The following PCSK7 variants were observed in gnomAD, a reference collection of about 807,000 sequenced individuals.
PCSK7 encodes the protein lymphoma proprotein convertase.
In PCSK7, 38 loss-of-function variants were observed where a neutral mutation model predicts 73.3. That is an observed-to-expected ratio of 0.52 (90% CI 0.40 to 0.68). PCSK7 has a LOEUF of 0.68. Among genes scored for constraint, PCSK7 ranks in the 30% least tolerant of loss-of-function variants. PCSK7 has a pLI of 0.00. For missense variants in PCSK7, 692 were observed against 991.5 expected (o/e 0.70, Z 4.06); for synonymous variants, 296 against 383.8 (o/e 0.77, Z 2.68).
intron 6 of PCSK7, 44 bp downstream of exon 6, chr11:117,225,887 A>G: frequency 8.0e-7 from 1 of 1,251,588 alleles, no homozygotes; most frequent in Non-Finnish European, 1.2e-6. Flanking sequence ...GATTTGTCCC[A>G]GGTGCTCCAG....
rs777195974 is a variant in PCSK7, at chr11:117,206,355, G to C, written c.2000C>G (p.Thr667Ser). The change falls in exon 17 of 17, where the codon ACC becomes AGC. Residue 667 changes from threonine (T) to serine (S), a missense_variant and splice_region_variant. Thr to Ser is a moderately conservative substitution (Grantham distance 58). Around this residue, in one of 6 missense-constraint regions of PCSK7, gnomAD observed 78 missense variants for 102.6 expected, o/e 0.76. Transcript: ENST00000320934. ...GGTGAAACAGCCTACCAGCACCAGG[G>C]TCTGGGGCCGAGGCAAGCACCTACG... ...GYTITPNTLKTLVLVGCFTVF... is the reference protein window; with the variant it reads ...GYTITPNTLKSLVLVGCFTVF... 4 of 1,603,564 alleles carry C rather than the reference G, an allele frequency of 2.5e-6. No homozygotes were observed. The highest frequency in any genetic ancestry group is 2.6e-6 in the Non-Finnish European group (3 of 1,173,336).
intron 2 of PCSK7, chr11:117,230,083 C>T (rs1251382550): frequency 2.1e-6 from 1 of 476,938 alleles, no homozygotes; most frequent in African/African-American, 2.0e-5. Context: ...GGATGGCCTC[C>T]CACAGCAAGA....
chr11:117,210,547 T>TG (rs1199628523), intron 12 of PCSK7: 5 of 152,058 alleles, frequency 3.3e-5, no homozygotes, highest in African/African-American at 1.2e-4. Flanking sequence ...TTAGTAGAGA[T>TG]GGGGTTTCAC....
chr11:117,206,442 CTTT>C (rs1395961832), intron 16 of PCSK7, 86 bp from the exon 17 acceptor site: 1 of 1,526,100 alleles, frequency 6.6e-7, no homozygotes, highest in Non-Finnish European at 8.8e-7. Flanking sequence ...CTCAGAAAGT[CTTT>C]TTCCTTCTAG....
intron 9 of PCSK7, 93 bp from the exon 10 acceptor site, chr11:117,219,851 C>T (rs2032124711): frequency 2.2e-6 from 2 of 926,690 alleles, no homozygotes; most frequent in Middle Eastern, 2.4e-4. Context: ...CCTGGGAGGC[C>T]CAGGCAGGAG....
Position 117,224,750 on chromosome 11 carries a change from C to T in PCSK7, c.866G>A (p.Gly289Glu), listed in dbSNP as rs779685123. 27 of 1,612,748 alleles carry T rather than the reference C, an allele frequency of 1.7e-5. No homozygotes were observed. Among genetic ancestry groups the T allele is most frequent in the Admixed American group, 1.5e-4 (9 of 59,994 alleles). ...QINDIYSCSW[G>E]PDDDGKTVDG... ...CACTGTCTTCCCATCGTCATCTGGTCCCCAGCTGTTGAGAAATAAATACCT... is the reference window on the plus strand; with the variant it reads ...CACTGTCTTCCCATCGTCATCTGGTTCCCAGCTGTTGAGAAATAAATACCT... Residue 289 changes from glycine (G) to glutamate (E), a missense_variant, in exon 7 of 17, where the codon GGA becomes GAA. By Grantham distance (98) the Gly-to-Glu change is moderately conservative. Around this residue, in one of 6 missense-constraint regions of PCSK7, gnomAD observed 574 missense variants for 689.8 expected, o/e 0.83. Transcript: ENST00000320934.
chr11:117,226,141 CTT>C (rs11419279), intron 5 of PCSK7, 120 bp from the exon 6 acceptor site: 5,625 of 557,956 alleles, frequency 0.01, no homozygotes, highest in South Asian at 0.013. Context: ...GTACATTTTG[CTT>C]TTTTTTTTTT....
chr11:117,213,679 G>A (rs2031826782), intron 12 of PCSK7: 2 of 152,198 alleles, frequency 1.3e-5, no homozygotes, highest in South Asian at 2.1e-4. Flanking sequence ...GTGCTTGTCT[G>A]CGTTCGCAGT....
At chr11:117,222,172 A>C (rs11216320) in intron 9 of PCSK7, 1 of 152,090 alleles carries the variant, frequency 6.6e-6, no homozygotes, top group Non-Finnish European at 1.5e-5. Context: ...TGCCCACACT[A>C]TATGGTTGCG....
intron 12 of PCSK7, chr11:117,213,501 A>G (rs1458025460): frequency 1.3e-5 from 2 of 152,212 alleles, no homozygotes; most frequent in African/African-American, 2.4e-5. Flanking sequence ...AGTGTACTGT[A>G]TTGGTGGAAT....
chr11:117,207,362 T>C, intron 14 of PCSK7: 1 of 489,900 alleles, frequency 2.0e-6, no homozygotes, highest in Non-Finnish European at 3.6e-6. Flanking sequence ...TGAAAGGCTG[T>C]ACTCCAAAGC....
chr11:117,205,344 CAT>C lies in PCSK7; in HGVS notation c.*651_*652del, dbSNP rs1456576387. The C allele has an allele frequency of 4.3e-6, 1 of 233,456 alleles. No individual in the cohort carries two copies. Among genetic ancestry groups the C allele is most frequent in the Non-Finnish European group, 8.5e-6 (1 of 118,002 alleles). 14.5% of individuals were successfully genotyped at this position (233,456 alleles called of 1,614,324 possible). ...TGGCTCCCAAGGCTCTCTCCTCCAA[CAT>C]GTGCATCTGCCATCTGCTCTGCAGT... On this transcript the variant is annotated 3_prime_UTR_variant, in exon 17 of 17. Coordinates refer to ENST00000320934, the MANE Select transcript of PCSK7 (RefSeq NM_004716.4).
At chr11:117,225,904 GC>G (rs1237852875) in intron 6 of PCSK7, 26 bp downstream of exon 6, 1 of 1,435,958 alleles carries the variant, frequency 7.0e-7, no homozygotes, top group Non-Finnish European at 9.8e-7. Context: ...CCAGGCTCTT[GC>G]CCTCTCATCT....
At chr11:117,212,135 T>C (rs1348303252) in intron 12 of PCSK7, 1 of 151,738 alleles carries the variant, frequency 6.6e-6, no homozygotes, top group African/African-American at 2.4e-5. Flanking sequence ...GTGCTTATAA[T>C]GAAAAAAAAA....
intron 8 of PCSK7, chr11:117,223,630 C>T: frequency 2.5e-6 from 1 of 395,530 alleles, no homozygotes; most frequent in South Asian, 3.5e-5. Context: ...GTGGGTCACA[C>T]CCGTGCCAGG....
intron 3 of PCSK7, among the ~76,000 whole-genome samples, chr11:117,228,848 C>G (rs1247513856): frequency 1.3e-5 from 2 of 152,166 alleles, no homozygotes; most frequent in South Asian, 2.1e-4. Flanking sequence ...TCTTGATCTC[C>G]TGACCTCGTG....
chr11:117,215,871 T>G (rs1490148962), intron 12 of PCSK7: 1 of 152,078 alleles, frequency 6.6e-6, no homozygotes, highest in Non-Finnish European at 1.5e-5. Flanking sequence ...TTATTATTTT[T>G]GAGACAAGGT....
intron 6 of PCSK7, 172 bp downstream of exon 6, chr11:117,225,759 T>C: frequency 1.6e-6 from 1 of 629,046 alleles, no homozygotes. Context: ...GGGCTTAAGG[T>C]TGAGTGCCCA....
Position 117,204,345 on chromosome 11 carries a change from C to T in PCSK7, c.*1652G>A. ...CATGACAGGCTACGGACGACCTCGG[C>T]AGATCATCAGTTAGAGCGGAGAGGG... On this transcript the variant is annotated 3_prime_UTR_variant, in exon 17 of 17. Coordinates refer to ENST00000320934, the MANE Select transcript of PCSK7 (RefSeq NM_004716.4). The T allele has an allele frequency of 6.2e-7, 1 of 1,614,236 alleles. No homozygotes were observed. The highest frequency in any genetic ancestry group is 1.7e-5 in the Admixed American group (1 of 60,032).
Sources: allele counts gnomAD v4.1 joint callset (sites outside exome capture counted in the v4.1 genomes callset), GRCh38; gene constraint gnomAD v4.1.1; regional missense constraint gnomAD v4.1.1; transcripts MANE v1.5; gene names NCBI Gene and HGNC (gene_info 2026-07-23, HGNC 2026-07-21).